ZMYND8: variants seen among roughly 807,000 people sequenced by gnomAD.
The protein encoded by ZMYND8 is zinc finger MYND-type containing 8, also known as MYND-type zinc finger-containing chromatin reader ZMYND8.
ZMYND8 carries 37 observed loss-of-function variants against 140.8 expected under a neutral mutation model. The observed-to-expected ratio is 0.26, with a 90% confidence interval of 0.20 to 0.35. The LOEUF is 0.35. Among genes scored for constraint, ZMYND8 ranks in the 10% least tolerant of loss-of-function variants. The pLI is 1.00. For synonymous variants in ZMYND8, 592 were observed against 597.1 expected, an observed-to-expected ratio of 0.99 and a Z score of 0.12; for missense variants, 1,068 against 1,570.0, an observed-to-expected ratio of 0.68 and a Z score of 5.40.
At chr20:47,234,688 C>A (rs1404065561) in intron 16 of ZMYND8, among the ~76,000 whole-genome samples, 1 of 151,882 alleles carries the variant, frequency 6.6e-6, no homozygotes, top group Non-Finnish European at 1.5e-5. Flanking sequence ...ACAATTACAC[C>A]TACACAGAAG....
At chr20:47,241,703 A>G (rs557276437) in intron 14 of ZMYND8, among the ~76,000 whole-genome samples, 1 of 152,112 alleles carries the variant, frequency 6.6e-6, no homozygotes, top group Admixed American at 6.5e-5. Context: ...TGCCCCAGAG[A>G]GGATATCTGG....
chr20:47,312,528 G>A lies in ZMYND8; in HGVS notation c.86-2324C>T, dbSNP rs141101181. The stretch of plus-strand genomic sequence containing the variant: ...AAGGGCGGCCCAGAGAGCCCAAAGC[G>A]CTGGACCAAAGGCACACAGCAGCTA... On this transcript the variant is annotated intron_variant, in intron 2 of 22. Coordinates refer to ENST00000471951, the MANE Select transcript of ZMYND8 (RefSeq NM_001281775.3). 2.4e-4 allele frequency among the ~76,000 whole-genome samples: 37 copies of A among 152,282 alleles called. 1 individual carries two copies. Among genetic ancestry groups the A allele is most frequent in the African/African-American group, 7.2e-4 (30 of 41,542 alleles).
At chr20:47,309,909 T>C (rs112349878) in intron 3 of ZMYND8, 147 bp downstream of exon 3, 25 of 1,122,834 alleles carry the variant, frequency 2.2e-5, no homozygotes, top group African/African-American at 1.4e-4. Context: ...TTTTTAGCCA[T>C]CTTTTTTTGT....
intron 12 of ZMYND8, among the ~76,000 whole-genome samples, chr20:47,261,231 A>C (rs960773562): frequency 6.6e-6 from 1 of 151,866 alleles, no homozygotes; most frequent in Non-Finnish European, 1.5e-5. Context: ...CAAAAAAAAT[A>C]ATAATAATAA....
At chr20:47,356,173 C>G (rs1353776033) in intron 1 of ZMYND8, among the ~76,000 whole-genome samples, 1 of 148,540 alleles carries the variant, frequency 6.7e-6, no homozygotes, top group Non-Finnish European at 1.5e-5. Flanking sequence ...GCCTGCTCTG[C>G]TGTCTGCCAT....
chr20:47,241,493 AG>A, intron 14 of ZMYND8, among the ~76,000 whole-genome samples: 1 of 152,042 alleles, frequency 6.6e-6, no homozygotes, highest in Admixed American at 6.6e-5. Flanking sequence ...GAGAATCTGG[AG>A]GGAACAGCAT....
In ZMYND8 at chr20:47,290,248, G is replaced by A; in HGVS notation, c.687C>T (p.Cys229=). 6 of 1,613,498 alleles carry A rather than the reference G, an allele frequency of 3.7e-6. No individual in the cohort carries two copies. Among genetic ancestry groups the A allele is most frequent in the Non-Finnish European group, 5.1e-6 (6 of 1,179,782 alleles). Residue 229 remains cysteine, a synonymous_variant, in exon 7 of 23, where the codon TGC becomes TGT. Transcript: ENST00000471951. ...TTGCATCAGCCAGGAAGGCTTCTGTGCAGCCATACATTTTCTTTTTCGCAT... is the reference window on the plus strand; with the variant it reads ...TTGCATCAGCCAGGAAGGCTTCTGTACAGCCATACATTTTCTTTTTCGCAT... The part of the protein sequence containing the change: ...EKNAKKKMYG[C]TEAFLADAKW...
At chr20:47,296,144 AG>A (rs1372173162) in intron 4 of ZMYND8, among the ~76,000 whole-genome samples, 1 of 152,172 alleles carries the variant, frequency 6.6e-6, no homozygotes, top group Non-Finnish European at 1.5e-5. Flanking sequence ...AGAAATTCAG[AG>A]CCCCGAATCT....
At chr20:47,246,863 A>G (rs1311895850) in intron 13 of ZMYND8, among the ~76,000 whole-genome samples, 1 of 152,216 alleles carries the variant, frequency 6.6e-6, no homozygotes, top group Non-Finnish European at 1.5e-5. Context: ...AGCAGGGACA[A>G]GCTGTTCAAA....
intron 10 of ZMYND8, among the ~76,000 whole-genome samples, chr20:47,277,187 T>C (rs1379422945): frequency 6.6e-6 from 1 of 152,228 alleles, no homozygotes; most frequent in African/African-American, 2.4e-5. Context: ...CCATTGCCAT[T>C]TGAAATAGGA....
At chr20:47,220,402 T>C (rs1600916352) in intron 20 of ZMYND8, 78 bp from the exon 21 acceptor site, 1 of 1,199,388 alleles carries the variant, frequency 8.3e-7, no homozygotes, top group African/African-American at 1.5e-5. Context: ...CAGGGAGTCA[T>C]GGGGGTGCTC....
rs561701359 is a variant in ZMYND8, at chr20:47,345,594, G to A, written c.85+2262C>T. Among the ~76,000 whole-genome samples the A allele has an allele frequency of 2.6e-3, 391 of 149,902 alleles. 2 individuals are homozygous for A. The highest frequency in any genetic ancestry group is 8.7e-3 in the African/African-American group (354 of 40,630). On this transcript the variant is annotated intron_variant, in intron 2 of 22. Coordinates refer to ENST00000471951, the MANE Select transcript of ZMYND8 (RefSeq NM_001281775.3). The stretch of plus-strand genomic sequence containing the variant: ...GTGGTCTTGGCTCACTGCAACCTCC[G>A]CCTCCTGGGTTCAAGCAATTCTCCT...
rs2038674754 is a variant in ZMYND8 at position 47,232,698 on chromosome 20, A to C, written c.2857-2892T>G. ...TAAGCAAACAGCTGGGACTAAATCA[A>C]GGGAAGGTGATGTAAGGACAACCGA... is the stretch of plus-strand genomic sequence containing the variant. On this transcript the variant is annotated intron_variant, in intron 16 of 22. Coordinates refer to ENST00000471951, the MANE Select transcript of ZMYND8 (RefSeq NM_001281775.3). 2.6e-5 allele frequency among the ~76,000 whole-genome samples: 4 copies of C among 152,136 alleles called. No homozygotes were observed. In the South Asian group the frequency reaches 8.3e-4, roughly 31 times the overall value.
chr20:47,314,711 C>T (rs1358612096), intron 2 of ZMYND8, among the ~76,000 whole-genome samples: 1 of 152,120 alleles, frequency 6.6e-6, no homozygotes, highest in Non-Finnish European at 1.5e-5. Flanking sequence ...TCCACACTGG[C>T]GAGCCAGAGC....
intron 5 of ZMYND8, among the ~76,000 whole-genome samples, chr20:47,292,858 C>T (rs1442071767): frequency 6.6e-6 from 1 of 151,710 alleles, no homozygotes; most frequent in Non-Finnish European, 1.5e-5. Context: ...TCAAGACCAG[C>T]CTGGGCAACA....
chr20:47,309,383 G>GC (rs1477081792), intron 3 of ZMYND8, among the ~76,000 whole-genome samples: 2 of 151,586 alleles, frequency 1.3e-5, no homozygotes, highest in African/African-American at 4.9e-5. Flanking sequence ...TCGGCTCACT[G>GC]CAACCTCCGC....
At chr20:47,294,520 C>CAT in intron 5 of ZMYND8, 146 bp downstream of exon 5, 1 of 692,388 alleles carries the variant, frequency 1.4e-6, no homozygotes, top group Non-Finnish European at 2.5e-6. Flanking sequence ...CATCATACCT[C>CAT]ATGTGTGATT....
chr20:47,285,686 T>TA (rs1352294187), intron 8 of ZMYND8: 2 of 985,262 alleles, frequency 2.0e-6, no homozygotes, highest in African/African-American at 3.5e-5. Context: ...TGCGCAATGA[T>TA]ATTCATCACC....
intron 2 of ZMYND8, among the ~76,000 whole-genome samples, chr20:47,343,365 A>G (rs2082067210): frequency 6.6e-6 from 1 of 152,224 alleles, no homozygotes; most frequent in Non-Finnish European, 1.5e-5. Context: ...CCAACTGCCA[A>G]AGCTGGAATG....
Sources: allele counts gnomAD v4.1 joint callset (sites outside exome capture counted in the v4.1 genomes callset), GRCh38; gene constraint gnomAD v4.1.1; transcripts MANE v1.5; gene names NCBI Gene and HGNC (gene_info 2026-07-23, HGNC 2026-07-21).